The following REV3L variants were observed in gnomAD, a reference collection of about 807,000 sequenced individuals.
REV3L encodes REV3 like, DNA directed polymerase zeta catalytic subunit.
A neutral mutation model predicts 299.4 loss-of-function variants in REV3L; 69 were observed. The observed-to-expected ratio is 0.23, with a 90% CI of 0.19 to 0.28. The LOEUF (loss-of-function observed/expected upper bound fraction) is 0.28, where lower values mean the gene tolerates loss of function less well. Among genes scored for constraint, REV3L ranks in the 10% least tolerant of loss-of-function variants. The pLI is 1.00. For missense variants in REV3L, 3,128 were observed against 3,693.8 expected (o/e 0.85, Z 3.97); for synonymous variants, 1,238 against 1,271.4 (o/e 0.97, Z 0.56).
chr6:111,349,445 A>C, intron 19 of REV3L, 109 bp from the exon 20 acceptor site: 1 of 503,368 alleles, frequency 2.0e-6, no homozygotes, highest in Admixed American at 3.1e-5. Context: ...TAAAGATGAA[A>C]TATAATTCAC....
rs1483895613 is a variant in REV3L at position 111,374,816 on chromosome 6, T to C, written c.3539A>G (p.Lys1180Arg). 6 of 1,613,128 alleles carry C rather than the reference T, an allele frequency of 3.7e-6. No individual in the cohort carries two copies. The highest frequency in any genetic ancestry group is 1.7e-5 in the Admixed American group (1 of 59,818). ...AGTAACTATAGAGGGATTAGCAAGCTTTGCTTTTGATTTCTTAATCTGTGC... is the reference window on the plus strand; with the variant it reads ...AGTAACTATAGAGGGATTAGCAAGCCTTGCTTTTGATTTCTTAATCTGTGC... ...ARAQIKKSKAKLANPSIVTKK... is the reference protein window; with the variant it reads ...ARAQIKKSKARLANPSIVTKK... Residue 1180 changes from lysine to arginine, a missense_variant, in exon 13 of 32, where the codon AAG becomes AGG. Coordinates refer to ENST00000368802, the MANE Select transcript of REV3L (RefSeq NM_001372078.1).
At chr6:111,483,708 TCTC>T (rs1264272465), upstream of REV3L, 1 of 338,502 alleles carries the variant, frequency 3.0e-6, no homozygotes. Flanking sequence ...GAGGCGCAGA[TCTC>T]GTGCCGCTGC....
At chr6:111,351,149 A>G (rs905559615) in intron 19 of REV3L, among the ~76,000 whole-genome samples, 1 of 152,142 alleles carries the variant, frequency 6.6e-6, no homozygotes, top group Non-Finnish European at 1.5e-5. Flanking sequence ...AATTTCTGCA[A>G]TATTTGTAGC....
At chr6:111,414,016 C>G (rs1372338714) in intron 2 of REV3L, among the ~76,000 whole-genome samples, 2 of 152,072 alleles carry the variant, frequency 1.3e-5, no homozygotes, top group Non-Finnish European at 2.9e-5. Flanking sequence ...ATTCATTTAT[C>G]CAACCAAACA....
Position 111,311,165 on chromosome 6 carries a change from C to G in REV3L, c.8699G>C (p.Gly2900Ala). 6.2e-7 allele frequency: 1 copy of G among 1,614,070 alleles called. No individual in the cohort carries two copies. The highest frequency in any genetic ancestry group is 8.5e-7 in the Non-Finnish European group (1 of 1,179,962). ...VQRQCMKLLE[G>A]KASIQDFIFA... is the part of the protein sequence containing the mutation. Reference sequence around the variant, plus strand: ...GATAAAGTCTTGTATGCTGGCCTTTCCTTCCAGAAGCTTCATACATTGTCG... The same window carrying G: ...GATAAAGTCTTGTATGCTGGCCTTTGCTTCCAGAAGCTTCATACATTGTCG... The change falls in exon 29 of 32, where the codon GGA becomes GCA. Residue 2900 changes from glycine (G) to alanine (A), a missense_variant. Around this residue, in one of 9 missense-constraint regions of REV3L, gnomAD observed 294 missense variants for 377.0 expected, o/e 0.78. Coordinates refer to ENST00000368802, the MANE Select transcript of REV3L (RefSeq NM_001372078.1).
Position 111,367,813 on chromosome 6 carries a change from A to G in REV3L, c.5975T>C (p.Ile1992Thr), listed in dbSNP as rs1431213911. ...GGCACATTTGCAAGGCATAATCACA[A>G]TTTTTTTATCTTCAACCATCTTAGG... ...NSPKMVEDKK[I>T]VIMPCKCAPS... Residue 1992 changes from isoleucine (I) to threonine (T), a missense_variant, in exon 14 of 32, where the codon ATT (isoleucine) becomes ACT (threonine). Physicochemically the swap from Ile to Thr is moderately conservative, Grantham distance 89. Around this residue, in one of 9 missense-constraint regions of REV3L, gnomAD observed 2,409 missense variants for 2,611.8 expected, o/e 0.92. Transcript: ENST00000368802. 6.2e-7 allele frequency: 1 copy of G among 1,613,990 alleles called. No individual in the cohort carries two copies. The highest frequency in any genetic ancestry group is 8.5e-7 in the Non-Finnish European group (1 of 1,179,962).
In REV3L at chr6:111,356,852, G is replaced by A. The variant is rs545599608; in HGVS notation, c.7184+162C>T. 30 of 353,856 alleles carry A rather than the reference G, an allele frequency of 8.5e-5. 1 individual carries two copies. The South Asian group carries it at 2.4e-3, about 29-fold the overall frequency. 21.9% of individuals were successfully genotyped at this position (353,856 alleles called of 1,614,324 possible). On this transcript the variant is annotated intron_variant, in intron 18 of 31. Transcript: ENST00000368802. ...GTCTGATGAAAATAGTGATGGTGGTGGGAAGTGAGTATAAAATCTTCCCAA... is the reference window on the plus strand; with the variant it reads ...GTCTGATGAAAATAGTGATGGTGGTAGGAAGTGAGTATAAAATCTTCCCAA...
intron 4 of REV3L, 104 bp downstream of exon 4, chr6:111,405,366 T>C (rs1783516612): frequency 4.5e-6 from 3 of 670,706 alleles, no homozygotes; most frequent in Non-Finnish European, 6.6e-6. Flanking sequence ...TCACTCAACA[T>C]TTATTTTCTA....
intron 16 of REV3L, among the ~76,000 whole-genome samples, chr6:111,361,881 G>C (rs1370418622): frequency 2.0e-5 from 3 of 152,164 alleles, no homozygotes; most frequent in Non-Finnish European, 4.4e-5. Flanking sequence ...CTTGAGATGA[G>C]GAAAGCCGGT....
chr6:111,350,835 C>A (rs1777509600), intron 19 of REV3L, among the ~76,000 whole-genome samples: 1 of 151,824 alleles, frequency 6.6e-6, no homozygotes, highest in Non-Finnish European at 1.5e-5. Context: ...GCAAGCCTCC[C>A]ACCTTGGCCT....
At chr6:111,462,906 A>C (rs1014484725) in intron 1 of REV3L, among the ~76,000 whole-genome samples, 2 of 152,156 alleles carry the variant, frequency 1.3e-5, no homozygotes, top group Non-Finnish European at 2.9e-5. Flanking sequence ...CACATAACCC[A>C]AACAGGCTGG....
At chr6:111,454,586 C>A (rs1484732511) in intron 1 of REV3L, among the ~76,000 whole-genome samples, 1 of 152,100 alleles carries the variant, frequency 6.6e-6, no homozygotes, top group African/African-American at 2.4e-5. Context: ...AAACACTATT[C>A]TATTGTTTGT....
chr6:111,335,251 C>T (rs1350783091), intron 22 of REV3L, among the ~76,000 whole-genome samples: 1 of 152,098 alleles, frequency 6.6e-6, no homozygotes, highest in Admixed American at 6.5e-5. Context: ...AATATTATAT[C>T]CTTAAGGGCA....
chr6:111,482,092 C>CT (rs1384063721), intron 1 of REV3L, among the ~76,000 whole-genome samples: 4 of 152,150 alleles, frequency 2.6e-5, no homozygotes, highest in African/African-American at 9.7e-5. Context: ...AGCACTGCAC[C>CT]TAAGGATGCT....
At chr6:111,476,605 C>T (rs762516625) in intron 1 of REV3L, among the ~76,000 whole-genome samples, 2 of 152,144 alleles carry the variant, frequency 1.3e-5, no homozygotes, top group Non-Finnish European at 2.9e-5. Context: ...ATATTAAGCT[C>T]TCATATATAT....
chr6:111,471,155 G>A (rs1268228784), intron 1 of REV3L, among the ~76,000 whole-genome samples: 1 of 151,980 alleles, frequency 6.6e-6, no homozygotes, highest in Admixed American at 6.6e-5. Flanking sequence ...CCATTTTTGT[G>A]TGTGTTACAA....
At chr6:111,333,018 C>A in intron 23 of REV3L, 105 bp downstream of exon 23, 1 of 1,331,792 alleles carries the variant, frequency 7.5e-7, no homozygotes, top group Admixed American at 2.1e-5. Context: ...ATTTATCTTG[C>A]TCATAGGGAA....
intron 20 of REV3L, among the ~76,000 whole-genome samples, chr6:111,346,595 C>CGGCG (rs776587464): frequency 2.6e-5 from 4 of 152,162 alleles, no homozygotes; most frequent in Non-Finnish European, 5.9e-5. Context: ...AATGTCCTCC[C>CGGCG]GCCTGAGTCT....
chr6:111,434,997 G>A (rs1442300126), intron 1 of REV3L, among the ~76,000 whole-genome samples: 1 of 152,164 alleles, frequency 6.6e-6, no homozygotes, highest in Non-Finnish European at 1.5e-5. Context: ...CTGAGCCCAG[G>A]AGTTCAAGGT....
Sources: gnomAD v4.1 joint callset for allele counts (sites outside exome capture counted in the v4.1 genomes callset) on GRCh38, gnomAD v4.1.1 for gene constraint, gnomAD v4.1.1 regional missense constraint, MANE v1.5 for transcripts, NCBI Gene and HGNC (gene_info 2026-07-23, HGNC 2026-07-21) for gene names.